The following C9orf72 variants were observed in gnomAD, a reference collection of about 807,000 sequenced individuals.
C9orf72 encodes the protein C9orf72-SMCR8 complex subunit, also known as guanine nucleotide exchange factor C9orf72.
Under a neutral mutation model 51.6 loss-of-function variants are expected in C9orf72, and 44 were observed. The ratio of observed to expected loss-of-function variants is 0.85; its 90% CI spans 0.67 to 1.10. The LOEUF is 1.10. Ranked by LOEUF, C9orf72 falls within the 50% of genes least tolerant of loss-of-function variation. C9orf72 has a pLI of 0.00. For missense variants in C9orf72, 607 were observed against 570.6 expected, an observed-to-expected ratio of 1.06 and a Z score of -0.65; for synonymous variants, 213 against 194.2, an observed-to-expected ratio of 1.10 and a Z score of -0.81.
At chr9:27,560,379 C>A in intron 5 of C9orf72, 80 bp from the exon 6 acceptor site, 2 of 1,032,200 alleles carry the variant, frequency 1.9e-6, no homozygotes, top group Non-Finnish European at 2.9e-6. Context: ...AGTAGGTGAG[C>A]TCTTCAAATA....
At chr9:27,573,110 G>A (rs1416764374) in intron 1 of C9orf72, among the ~76,000 whole-genome samples, 1 of 152,128 alleles carries the variant, frequency 6.6e-6, no homozygotes, top group Non-Finnish European at 1.5e-5. Flanking sequence ...TCTCGAGCCC[G>A]CAGCGGCAGC....
intron 9 of C9orf72, among the ~76,000 whole-genome samples, chr9:27,549,249 A>G (rs1046426965): frequency 6.6e-6 from 1 of 152,236 alleles, no homozygotes; most frequent in East Asian, 1.9e-4. Context: ...AAACTCATAC[A>G]TAAGTTATTT....
chr9:27,564,640 T>C (rs1819424569), intron 3 of C9orf72, among the ~76,000 whole-genome samples: 1 of 152,180 alleles, frequency 6.6e-6, no homozygotes, highest in African/African-American at 2.4e-5. Flanking sequence ...AAGGAGATCA[T>C]TGTATTGGGT....
At chr9:27,556,389 T>C (rs1352995814) in intron 8 of C9orf72, 172 bp downstream of exon 8, 2 of 593,018 alleles carry the variant, frequency 3.4e-6, no homozygotes, top group Non-Finnish European at 6.0e-6. Flanking sequence ...CACAATTGTA[T>C]GGAAAAAGAA....
At position 27,567,044 on chromosome 9, in the gene C9orf72, A is replaced by G; in HGVS notation, c.77T>C (p.Leu26Ser). ...GTCCCAGTAAGCAAAAGTAGCTGCTAATAAAGGTGATTTGCCACTTAAAGC... is the reference window on the plus strand; with the variant it reads ...GTCCCAGTAAGCAAAAGTAGCTGCTGATAAAGGTGATTTGCCACTTAAAGC... ...EIALSGKSPL[L>S]AATFAYWDNI... The change falls in exon 2 of 11, where the codon TTA (leucine) becomes TCA (serine). Residue 26 changes from leucine (L) to serine (S), a missense_variant. By Grantham distance (145) the Leu-to-Ser change is moderately radical. Coordinates refer to ENST00000380003, the MANE Select transcript of C9orf72 (RefSeq NM_018325.5). 1 of 1,614,056 alleles carries G rather than the reference A, an allele frequency of 6.2e-7. No individual in the cohort carries two copies. The highest frequency in any genetic ancestry group is 1.6e-4 in the Middle Eastern group (1 of 6,062).
At position 27,546,716 on chromosome 9, in the gene C9orf72, T is replaced by C. The variant is rs1055751708; in HGVS notation, c.*1520A>G. ...TTAGCACTTAAATAAGAATCTACCA[T>C]GTAAAAAACACAGTATGGGACACTA... On this transcript the variant is annotated 3_prime_UTR_variant, in exon 11 of 11. Transcript: ENST00000380003. 6.6e-6 allele frequency: 1 copy of C among 152,176 alleles called. No homozygotes were observed. Among genetic ancestry groups the C allele is most frequent in the African/African-American group, 2.4e-5 (1 of 41,444 alleles). 9.4% of individuals were successfully genotyped at this position (152,176 alleles called of 1,614,324 possible). A position where few individuals can be genotyped will look rare whatever the true frequency, so the allele number is the denominator to read the frequency against.
intron 1 of C9orf72, among the ~76,000 whole-genome samples, chr9:27,568,836 CTT>C (rs879307887): frequency 6.2e-5 from 9 of 145,518 alleles, no homozygotes; most frequent in Non-Finnish European, 6.1e-5. Context: ...ACTCCTTCTA[CTT>C]TTTTTTTTTT....
chr9:27,551,233 C>T (rs750933238), intron 8 of C9orf72, among the ~76,000 whole-genome samples: 7 of 152,214 alleles, frequency 4.6e-5, no homozygotes, highest in Non-Finnish European at 5.9e-5. Flanking sequence ...AGCCCACCAT[C>T]TGTAAGTAAC....
intron 1 of C9orf72, among the ~76,000 whole-genome samples, chr9:27,567,565 GA>G (rs1161094669): frequency 6.6e-6 from 1 of 152,120 alleles, no homozygotes; most frequent in Non-Finnish European, 1.5e-5. Context: ...CTAAAAAGGA[GA>G]AAAACAGGAA....
At position 27,556,600 on chromosome 9, in the gene C9orf72, T is replaced by G; in HGVS notation, c.1052A>C (p.Asp351Ala). Residue 351 changes from aspartate (D) to alanine (A), a missense_variant, in exon 8 of 11, where the codon GAT becomes GCT. Physicochemically the swap from Asp to Ala is moderately radical, Grantham distance 126 (BLOSUM62 -2). Transcript: ENST00000380003. ...RATSEEDMAQ[D>A]TIIYTDESFT... ...GCTTTCGTCAGTGTAGATGATCGTA[T>G]CCTGAGCCATGTCTTCTTCTGAAGT... is the stretch of plus-strand genomic sequence containing the variant. 3 of 1,613,700 alleles carry G rather than the reference T, an allele frequency of 1.9e-6. No homozygotes were observed. The highest frequency in any genetic ancestry group is 2.5e-6 in the Non-Finnish European group (3 of 1,179,788).
chr9:27,557,013 G>A lies in C9orf72; in HGVS notation c.856-217C>T, dbSNP rs549945785. On this transcript the variant is annotated intron_variant, in intron 7 of 10. Transcript: ENST00000380003. ...ATCAGAATGACCTAAGCATCCAAAG[G>A]AAGTGGTTAAGTAAATAAAAATGAA... is the stretch of plus-strand genomic sequence containing the variant. 2.0e-5 allele frequency among the ~76,000 whole-genome samples: 3 copies of A among 152,204 alleles called. No individual in the cohort carries two copies. In the East Asian group the frequency reaches 5.8e-4, roughly 29 times the overall value.
Position 27,550,801 on chromosome 9 carries a change from A to C in C9orf72, c.1092-94T>G, listed in dbSNP as rs547699851. On this transcript the variant is annotated intron_variant, in intron 8 of 10. Transcript: ENST00000380003. ...TCCACAATCCCTCACTTGAGCCAAC[A>C]TTTTAAGTTCTTATAAATTGATATT... 3 of 572,370 alleles carry C rather than the reference A, an allele frequency of 5.2e-6. No individual in the cohort carries two copies. The African/African-American group carries it at 5.8e-5, about 11-fold the overall frequency. The allele number at this position is 572,370 out of a possible 1,614,324, so 35.5% of individuals were successfully genotyped here. A position where few individuals can be genotyped will look rare whatever the true frequency, so the allele number is the denominator to read the frequency against.
chr9:27,560,538 T>C, intron 5 of C9orf72: 2 of 682,022 alleles, frequency 2.9e-6, no homozygotes, highest in Non-Finnish European at 3.9e-6. Context: ...TAATATCATT[T>C]AATTAATGTA....
Position 27,547,546 on chromosome 9 carries a change from T to A in C9orf72, c.*690A>T, listed in dbSNP as rs1332215812. 6.6e-6 allele frequency: 1 copy of A among 152,624 alleles called. No homozygotes were observed. The highest frequency in any genetic ancestry group is 1.5e-5 in the Non-Finnish European group (1 of 68,042). 9.5% of individuals were successfully genotyped at this position (152,624 alleles called of 1,614,324 possible). ...ACAATTTCCTTTTACAGAGCTCAACTACATAGAATATCAACAATAGCAAGA... is the reference window on the plus strand; with the variant it reads ...ACAATTTCCTTTTACAGAGCTCAACAACATAGAATATCAACAATAGCAAGA... On this transcript the variant is annotated 3_prime_UTR_variant, in exon 11 of 11. Transcript: ENST00000380003.
At chr9:27,558,812 G>A in intron 6 of C9orf72, 1 of 452,682 alleles carries the variant, frequency 2.2e-6, no homozygotes, top group Non-Finnish European at 3.9e-6. Context: ...GAAAATGCTT[G>A]GTAAATTTAC....
chr9:27,566,443 G>C (rs1208998441), intron 2 of C9orf72, among the ~76,000 whole-genome samples: 1 of 152,102 alleles, frequency 6.6e-6, no homozygotes, highest in Non-Finnish European at 1.5e-5. Context: ...ATTTGTCTAA[G>C]CTTTAGCTTT....
intron 8 of C9orf72, chr9:27,554,650 T>C (rs1820973811): frequency 5.0e-6 from 2 of 398,122 alleles, no homozygotes; most frequent in Non-Finnish European, 8.9e-6. Context: ...AAAAAAAAAA[T>C]TCCAGTGACC....
chr9:27,563,986 CGTT>C (rs1587315717), intron 3 of C9orf72, among the ~76,000 whole-genome samples: 1 of 151,940 alleles, frequency 6.6e-6, no homozygotes, highest in Admixed American at 6.6e-5. Context: ...AAAATAAAGT[CGTT>C]GTGAGATTTG....
At chr9:27,553,021 T>C (rs373019811) in intron 8 of C9orf72, among the ~76,000 whole-genome samples, 25 of 152,182 alleles carry the variant, frequency 1.6e-4, no homozygotes, top group Non-Finnish European at 2.4e-4. Context: ...TTGGAACAGA[T>C]TGAGTAGGAA....
Sources: gnomAD v4.1 joint callset for allele counts (sites outside exome capture counted in the v4.1 genomes callset) on GRCh38, gnomAD v4.1.1 for gene constraint, MANE v1.5 for transcripts, NCBI Gene and HGNC (gene_info 2026-07-23, HGNC 2026-07-21) for gene names.